Variants in TRPC4 observed in about 807,000 individuals in gnomAD.
TRPC4 encodes short transient receptor potential channel 4.
In TRPC4, 49 loss-of-function variants were observed where a neutral mutation model predicts 99.4. That is an observed-to-expected ratio of 0.49 (90% confidence interval 0.39 to 0.63). The LOEUF (loss-of-function observed/expected upper bound fraction) is 0.63. Among genes scored for constraint, TRPC4 ranks in the 20% least tolerant of loss-of-function variants. The probability of loss-of-function intolerance (pLI) is 0.00; values close to 1 mark genes in which losing one functional copy is unlikely to be tolerated. For missense variants in TRPC4, 898 were observed against 1,152.9 expected (o/e 0.78, Z 3.20); for synonymous variants, 454 against 425.9 (o/e 1.07, Z -0.81).
chr13:37,819,335 C>A (rs570964956), intron 1 of TRPC4, among the ~76,000 whole-genome samples: 10 of 152,026 alleles, frequency 6.6e-5, no homozygotes, highest in African/African-American at 2.4e-4. Context: ...TGGGTATATA[C>A]TCAAAGGAAT....
chr13:37,793,187 GA>G (rs1260409385), intron 1 of TRPC4, among the ~76,000 whole-genome samples: 2 of 152,056 alleles, frequency 1.3e-5, no homozygotes, highest in Non-Finnish European at 2.9e-5. Context: ...AAAATGATAG[GA>G]AAATATAAAT....
In TRPC4 at chr13:37,746,226, A is replaced by G; in HGVS notation, c.608T>C (p.Leu203Ser). The G allele has an allele frequency of 3.7e-6, 6 of 1,613,790 alleles. No individual in the cohort carries two copies. Among genetic ancestry groups the G allele is most frequent in the Non-Finnish European group, 5.1e-6 (6 of 1,179,862 alleles). The change falls in exon 3 of 11, where the codon TTG (leucine) becomes TCG (serine). Residue 203 changes from leucine (L) to serine (S), a missense_variant. This residue lies in a region of TRPC4 where 278 missense variants were observed against 346.6 expected (regional missense o/e 0.80). Coordinates refer to ENST00000379705, the MANE Select transcript of TRPC4 (RefSeq NM_016179.4). ...CAGTGCAATGAGAGAGGGACTGGCCAAGGCCTTGTAGATGTTGAGTCTGGA... is the reference window on the plus strand; with the variant it reads ...CAGTGCAATGAGAGAGGGACTGGCCGAGGCCTTGTAGATGTTGAGTCTGGA... ...SRSRLNIYKA[L>S]ASPSLIALSS... is the part of the protein sequence containing the mutation.
intron 1 of TRPC4, among the ~76,000 whole-genome samples, chr13:37,804,018 C>G (rs1389546249): frequency 2.6e-5 from 4 of 152,038 alleles, no homozygotes; most frequent in African/African-American, 9.7e-5. Flanking sequence ...TGGAGGATGA[C>G]AGCCTAGAAG....
chr13:37,822,444 C>T (rs1252495833), intron 1 of TRPC4, among the ~76,000 whole-genome samples: 1 of 150,462 alleles, frequency 6.6e-6, no homozygotes, highest in Non-Finnish European at 1.5e-5. Context: ...CAACAGTCCC[C>T]ACAGTGTGAT....
chr13:37,737,277 T>C (rs1281504146), intron 3 of TRPC4, among the ~76,000 whole-genome samples: 2 of 151,724 alleles, frequency 1.3e-5, no homozygotes, highest in Non-Finnish European at 2.9e-5. Flanking sequence ...ATAGCCACTC[T>C]TTCATGAGCA....
In TRPC4 at chr13:37,819,266, G is replaced by A. The variant is rs117759934; in HGVS notation, c.-27-35906C>T. Reference sequence around the variant, plus strand: ...TAGTTCATGCATTGTGGAAAGCAGTGTGGCTATTTCTCAAAGATCTAAAGA... The same window carrying A: ...TAGTTCATGCATTGTGGAAAGCAGTATGGCTATTTCTCAAAGATCTAAAGA... On this transcript the variant is annotated intron_variant, in intron 1 of 10. Transcript: ENST00000379705. Among the ~76,000 whole-genome samples, 1,355 of 151,894 alleles carry A rather than the reference G, an allele frequency of 8.9e-3. 35 individuals carry two copies. In the East Asian group the frequency reaches 0.1, roughly 11 times the overall value.
intron 4 of TRPC4, among the ~76,000 whole-genome samples, chr13:37,675,030 T>A (rs1952997669): frequency 6.6e-6 from 1 of 152,176 alleles, no homozygotes; most frequent in Non-Finnish European, 1.5e-5. Context: ...TATAATTTCG[T>A]ATTTAGAGCC....
chr13:37,777,074 C>G (rs925567873), intron 2 of TRPC4, among the ~76,000 whole-genome samples: 1 of 151,828 alleles, frequency 6.6e-6, no homozygotes. Context: ...ACTGAAACTA[C>G]ATATGTCAAA....
intron 1 of TRPC4, among the ~76,000 whole-genome samples, chr13:37,825,449 T>A (rs1958173563): frequency 6.6e-6 from 1 of 152,174 alleles, no homozygotes; most frequent in African/African-American, 2.4e-5. Flanking sequence ...TTTGAATGTG[T>A]TCCAGAGATT....
chr13:37,777,503 C>T (rs1327417966), intron 2 of TRPC4, among the ~76,000 whole-genome samples: 2 of 152,040 alleles, frequency 1.3e-5, no homozygotes, highest in East Asian at 2.0e-4. Context: ...TTTTCACCAG[C>T]TCCCACCTCT....
chr13:37,691,736 A>T (rs537804405), intron 4 of TRPC4, among the ~76,000 whole-genome samples: 1 of 152,242 alleles, frequency 6.6e-6, no homozygotes. Context: ...CAAAAAACTC[A>T]GAGGGTCAGT....
chr13:37,743,547 G>A (rs1704154747), intron 3 of TRPC4, among the ~76,000 whole-genome samples: 1 of 152,102 alleles, frequency 6.6e-6, no homozygotes, highest in Non-Finnish European at 1.5e-5. Flanking sequence ...TATATTCAAT[G>A]TTTCATTGTC....
At chr13:37,855,681 T>A (rs1490939795) in intron 1 of TRPC4, among the ~76,000 whole-genome samples, 4 of 151,848 alleles carry the variant, frequency 2.6e-5, no homozygotes, top group African/African-American at 9.7e-5. Context: ...ATAGCAAGCA[T>A]CTTCTTTCAT....
At chr13:37,685,431 G>C (rs777522702) in intron 4 of TRPC4, among the ~76,000 whole-genome samples, 1 of 152,110 alleles carries the variant, frequency 6.6e-6, no homozygotes, top group African/African-American at 2.4e-5. Context: ...TGTGAAATGA[G>C]ACATTAACAT....
At chr13:37,725,566 G>C (rs77607798) in intron 3 of TRPC4, among the ~76,000 whole-genome samples, 17,286 of 152,052 alleles carry the variant, frequency 0.11, 1,099 homozygotes, top group Admixed American at 0.18. Context: ...TTAGATACCA[G>C]AAGGCAGTAA....
In TRPC4 at chr13:37,637,412, C is replaced by A. The variant is rs747833879; in HGVS notation, c.2425G>T (p.Ala809Ser). 1 of 1,613,748 alleles carries A rather than the reference C, an allele frequency of 6.2e-7. No individual in the cohort carries two copies. The highest frequency in any genetic ancestry group is 8.5e-7 in the Non-Finnish European group (1 of 1,179,832). Residue 809 changes from alanine to serine, a missense_variant, in exon 11 of 11, where the codon GCA (alanine) becomes TCA (serine). Around this residue, in one of 3 missense-constraint regions of TRPC4, gnomAD observed 346 missense variants for 351.4 expected, o/e 0.98. Transcript: ENST00000379705. ...ATGTTATGTCTTTCAGAGGCAATTGCTGCTGATCTCGGATGAATCAGGGTG... is the reference window on the plus strand; with the variant it reads ...ATGTTATGTCTTTCAGAGGCAATTGATGCTGATCTCGGATGAATCAGGGTG... ...LTTLIHPRSAAIASERHNISN... is the reference protein window; with the variant it reads ...LTTLIHPRSASIASERHNISN...
chr13:37,842,371 G>GAAAAAAA (rs1958766303), intron 1 of TRPC4, among the ~76,000 whole-genome samples: 2 of 54,430 alleles, frequency 3.7e-5, no homozygotes, highest in African/African-American at 7.4e-5. Context: ...AAAAAAAAAA[G>GAAAAAAA]GAAAAGGAAA....
chr13:37,793,056 T>C (rs1157957976), intron 1 of TRPC4, among the ~76,000 whole-genome samples: 2 of 151,954 alleles, frequency 1.3e-5, no homozygotes, highest in Middle Eastern at 3.2e-3. Flanking sequence ...CAAATTAGAG[T>C]CAGGAATGGA....
intron 8 of TRPC4, among the ~76,000 whole-genome samples, 175 bp downstream of exon 8, chr13:37,651,090 G>A (rs1952030673): frequency 6.6e-6 from 1 of 152,196 alleles, no homozygotes. Context: ...CACTTGTGAA[G>A]AAATCCTAGT....
Sources: gnomAD v4.1 joint callset for allele counts (sites outside exome capture counted in the v4.1 genomes callset) on GRCh38, gnomAD v4.1.1 for gene constraint, gnomAD v4.1.1 regional missense constraint, MANE v1.5 for transcripts, NCBI Gene and HGNC (gene_info 2026-07-23, HGNC 2026-07-21) for gene names.